Variants in SNX25 observed in about 807,000 individuals in gnomAD.
SNX25 encodes sorting nexin 25, also known as sorting nexin-25.
Under a neutral mutation model 113.7 loss-of-function variants are expected in SNX25, and 62 were observed. The ratio of observed to expected loss-of-function variants is 0.55; its 90% CI spans 0.44 to 0.67. The LOEUF (loss-of-function observed/expected upper bound fraction) is 0.67, where lower values mean the gene tolerates loss of function less well. Among genes scored for constraint, SNX25 ranks in the 30% least tolerant of loss-of-function variants. The pLI is 0.00. For missense variants in SNX25, 1,014 were observed against 1,161.0 expected (o/e 0.87, Z 1.84); for synonymous variants, 421 against 436.2 (o/e 0.97, Z 0.43).
intron 7 of SNX25, among the ~76,000 whole-genome samples, chr4:185,316,551 A>C (rs2095076115): frequency 6.6e-6 from 1 of 152,204 alleles, no homozygotes; most frequent in Admixed American, 6.5e-5. Context: ...CCAAAATGGA[A>C]AGATGGAAGG....
chr4:185,355,050 C>A (rs2095333180), intron 15 of SNX25, among the ~76,000 whole-genome samples: 1 of 152,234 alleles, frequency 6.6e-6, no homozygotes, highest in African/African-American at 2.4e-5. Context: ...TGGATCCCTT[C>A]TCATTTATAA....
At chr4:185,247,115 AT>A (rs1744969558) in intron 1 of SNX25, among the ~76,000 whole-genome samples, 178 bp from the exon 2 acceptor site, 1 of 151,662 alleles carries the variant, frequency 6.6e-6, no homozygotes, top group African/African-American at 2.4e-5. Flanking sequence ...TCCTTCCTTA[AT>A]TTTTTTTCCA....
chr4:185,288,070 A>C lies in SNX25; in HGVS notation c.1150A>C (p.Lys384Gln), dbSNP rs1178884357. The change falls in exon 6 of 19, where the codon AAG becomes CAG. Residue 384 changes from lysine (K) to glutamine (Q), a missense_variant. Transcript: ENST00000652585. Reference protein sequence around the residue: ...ATTISSFPQLKRHKGKETAAM... With the variant: ...ATTISSFPQLQRHKGKETAAM... ...TACAATTAGCAGCTTTCCCCAACTGAAGAGGCACAAAGGTAAGAGCCAGGT... is the reference window on the plus strand; with the variant it reads ...TACAATTAGCAGCTTTCCCCAACTGCAGAGGCACAAAGGTAAGAGCCAGGT... The C allele has an allele frequency of 1.2e-6, 2 of 1,613,362 alleles. No individual in the cohort carries two copies. The highest frequency in any genetic ancestry group is 2.2e-5 in the East Asian group (1 of 44,876).
downstream of SNX25, among the ~76,000 whole-genome samples, chr4:185,371,310 C>A (rs527797476): frequency 7.2e-5 from 11 of 152,148 alleles, 2 homozygotes; most frequent in Admixed American, 5.9e-4. Flanking sequence ...GAGGCCAAGG[C>A]AGGCGGATCA....
chr4:185,346,825 C>A (rs532296768), intron 13 of SNX25, among the ~76,000 whole-genome samples, 175 bp downstream of exon 13: 1 of 151,994 alleles, frequency 6.6e-6, no homozygotes, highest in Non-Finnish European at 1.5e-5. Context: ...TAAAAATACA[C>A]GTAAGTGTAT....
chr4:185,350,645 G>A (rs1020806512), intron 13 of SNX25, among the ~76,000 whole-genome samples: 2 of 152,176 alleles, frequency 1.3e-5, no homozygotes, highest in African/African-American at 2.4e-5. Flanking sequence ...GGCAGATCAC[G>A]AGGTCAGGAG....
intron 1 of SNX25, among the ~76,000 whole-genome samples, chr4:185,239,424 A>G (rs937455765): frequency 2.6e-5 from 4 of 152,322 alleles, no homozygotes; most frequent in Non-Finnish European, 5.9e-5. Context: ...CGGAGCTTGC[A>G]GTGAGCTGAG....
At chr4:185,247,189 T>G (rs1281145306) in intron 1 of SNX25, 105 bp from the exon 2 acceptor site, 2 of 757,092 alleles carry the variant, frequency 2.6e-6, no homozygotes, top group African/African-American at 1.8e-5. Context: ...TCGTTAAGCC[T>G]TATCTTAATG....
chr4:185,229,682 A>G (rs533168606), intron 1 of SNX25, among the ~76,000 whole-genome samples: 14 of 152,322 alleles, frequency 9.2e-5, no homozygotes, highest in African/African-American at 3.4e-4. Flanking sequence ...TAAACGCTAC[A>G]GAAGTCAGGT....
At chr4:185,286,567 T>C (rs1277565347) in intron 5 of SNX25, among the ~76,000 whole-genome samples, 1 of 152,234 alleles carries the variant, frequency 6.6e-6, no homozygotes, top group African/African-American at 2.4e-5. Flanking sequence ...CTGGAATCCC[T>C]ACCCGGTGAC....
chr4:185,273,139 A>G (rs1749190237), intron 5 of SNX25, among the ~76,000 whole-genome samples: 1 of 152,248 alleles, frequency 6.6e-6, no homozygotes, highest in South Asian at 2.1e-4. Flanking sequence ...TACTTAAATT[A>G]GTTAGGATCC....
At chr4:185,287,015 T>C (rs575734345) in intron 5 of SNX25, among the ~76,000 whole-genome samples, 2 of 152,310 alleles carry the variant, frequency 1.3e-5, no homozygotes, top group African/African-American at 4.8e-5. Context: ...TAAGAATTAA[T>C]GTTAAAGAAC....
At chr4:185,307,672 A>G (rs929726161) in intron 6 of SNX25, among the ~76,000 whole-genome samples, 1 of 152,162 alleles carries the variant, frequency 6.6e-6, no homozygotes, top group African/African-American at 2.4e-5. Flanking sequence ...TCTGCCTTCC[A>G]TGTTACTACA....
Position 185,210,912 on chromosome 4 carries a change from A to G in SNX25, c.429+657A>G, listed in dbSNP as rs559768279. Among the ~76,000 whole-genome samples the G allele has an allele frequency of 2.1e-3, 324 of 152,280 alleles. 2 individuals are homozygous for G. Among genetic ancestry groups the G allele is most frequent in the Non-Finnish European group, 4.1e-3 (282 of 68,018 alleles). ...GGGACACTAGGGCGGGGGTTAGGGA[A>G]TGTAGGAAAGAACAGTGTTTTAAAT... On this transcript the variant is annotated intron_variant, in intron 1 of 18. Coordinates refer to ENST00000652585, the MANE Select transcript of SNX25 (RefSeq NM_001378034.2). The surrounding 1 kb of genome is among the most constrained non-coding windows in gnomAD (Gnocchi z 4.4).
chr4:185,362,185 C>T, intron 17 of SNX25, 80 bp downstream of exon 17: 12 of 1,442,380 alleles, frequency 8.3e-6, no homozygotes, highest in Non-Finnish European at 1.1e-5. Flanking sequence ...TCATTTATGT[C>T]TTGCAGGAAA....
intron 1 of SNX25, among the ~76,000 whole-genome samples, chr4:185,239,343 C>A (rs56234993): frequency 4.6e-5 from 7 of 152,040 alleles, no homozygotes; most frequent in Non-Finnish European, 8.8e-5. Context: ...ATTAGCCGGG[C>A]GTGGTGGTGG....
In SNX25 at chr4:185,244,019, A is replaced by G. The variant is rs190086165; in HGVS notation, c.430-3275A>G. Among the ~76,000 whole-genome samples the G allele has an allele frequency of 1.9e-3, 293 of 152,000 alleles. 2 individuals are homozygous for G. Among genetic ancestry groups the G allele is most frequent in the African/African-American group, 6.7e-3 (278 of 41,464 alleles). On this transcript the variant is annotated intron_variant, in intron 1 of 18. Coordinates refer to ENST00000652585, the MANE Select transcript of SNX25 (RefSeq NM_001378034.2). ...AACTCCTTTCTTTCTTTTTTTTGAG[A>G]CAGTGTCTTGCTATGTTGCCCAGGC...
intron 2 of SNX25, among the ~76,000 whole-genome samples, chr4:185,251,355 C>A (rs1239899217): frequency 2.0e-5 from 3 of 152,166 alleles, no homozygotes; most frequent in Non-Finnish European, 4.4e-5. Flanking sequence ...GAACTGTTTT[C>A]ATCTTGCAAA....
In SNX25 at chr4:185,334,692, G is replaced by T. The variant is rs182711041; in HGVS notation, c.1914+1933G>T. ...ATATTCATTGAATTATTTTCTGCTT[G>T]GTTTGTTTGAAAGACATTATTCAGC... is the stretch of plus-strand genomic sequence containing the variant. On this transcript the variant is annotated intron_variant, in intron 10 of 18. Coordinates refer to ENST00000652585, the MANE Select transcript of SNX25 (RefSeq NM_001378034.2). This position sits in a 1 kb window ranked among gnomAD's most constrained non-coding sequence, Gnocchi z 4.2. Among the ~76,000 whole-genome samples, 10 of 152,158 alleles carry T rather than the reference G, an allele frequency of 6.6e-5. No individual in the cohort carries two copies. Among genetic ancestry groups the T allele is most frequent in the African/African-American group, 2.2e-4 (9 of 41,428 alleles).
Sources: gnomAD v4.1 joint callset for allele counts (sites outside exome capture counted in the v4.1 genomes callset) on GRCh38, gnomAD v4.1.1 for gene constraint, Gnocchi (gnomAD v3.1) non-coding constraint, MANE v1.5 for transcripts, NCBI Gene and HGNC (gene_info 2026-07-23, HGNC 2026-07-21) for gene names.